Variants in ABHD4 observed in about 807,000 individuals in gnomAD.
ABHD4 encodes the protein abhydrolase domain containing 4, N-acyl phospholipase B, also known as (Lyso)-N-acylphosphatidylethanolamine lipase.
ABHD4 carries 35 observed loss-of-function variants against 42.3 expected under a neutral mutation model. That is an observed-to-expected ratio of 0.83 (90% CI 0.63 to 1.10). The LOEUF is 1.10. Ranked by LOEUF, ABHD4 falls within the 50% of genes least tolerant of loss-of-function variation. The pLI is 0.00. For synonymous variants in ABHD4, 169 were observed against 170.6 expected, an observed-to-expected ratio of 0.99 and a Z score of 0.07; for missense variants, 389 against 454.8, an observed-to-expected ratio of 0.86 and a Z score of 1.32.
rs193112927 is a variant in ABHD4, at chr14:22,611,226, A to T, written c.*278A>T. On this transcript the variant is annotated 3_prime_UTR_variant, in exon 7 of 7. Transcript: ENST00000428304. ...CCACTCCTTGCCAAGTGTTACCCAG[A>T]TGGTGGAGGATGTGAAGGGATTGCA... 1 of 409,538 alleles carries T rather than the reference A, an allele frequency of 2.4e-6. No individual in the cohort carries two copies. Among genetic ancestry groups the T allele is most frequent in the African/African-American group, 2.0e-5 (1 of 50,110 alleles). 25.4% of individuals were successfully genotyped at this position (409,538 alleles called of 1,614,324 possible). A position where few individuals can be genotyped will look rare whatever the true frequency, so the allele number is the denominator to read the frequency against.
chr14:22,605,516 G>T (rs2037339138), intron 4 of ABHD4, among the ~76,000 whole-genome samples: 1 of 152,208 alleles, frequency 6.6e-6, no homozygotes. Context: ...CAAGACACGG[G>T]TGCCAAAGGA....
At chr14:22,598,891 T>C (rs1350687444) in intron 1 of ABHD4, 1 of 168,426 alleles carries the variant, frequency 5.9e-6, no homozygotes, top group African/African-American at 2.4e-5. Flanking sequence ...ATAATGCTTT[T>C]AATAATCGTA....
At chr14:22,602,466 A>T (rs10138478) in intron 2 of ABHD4, among the ~76,000 whole-genome samples, 23,157 of 152,102 alleles carry the variant, frequency 0.15, 2,457 homozygotes, top group African/African-American at 0.29. Flanking sequence ...AGGCTGCTTC[A>T]CCCAGGCAGC....
intron 2 of ABHD4, among the ~76,000 whole-genome samples, chr14:22,602,322 C>T (rs1200646258): frequency 2.0e-5 from 3 of 152,198 alleles, no homozygotes; most frequent in African/African-American, 7.2e-5. Flanking sequence ...GCCCCTTAAG[C>T]CACTTCTTCC....
At chr14:22,608,927 C>T (rs145991942) in intron 5 of ABHD4, among the ~76,000 whole-genome samples, 1,890 of 150,596 alleles carry the variant, frequency 0.013, 33 homozygotes, top group African/African-American at 0.044. Context: ...CTCGAACTCC[C>T]GACCTCAGGT....
At chr14:22,603,883 G>C (rs750423523) in intron 3 of ABHD4, 42 bp from the exon 4 acceptor site, 1 of 1,607,090 alleles carries the variant, frequency 6.2e-7, no homozygotes, top group East Asian at 2.2e-5. Flanking sequence ...GCAACTACCA[G>C]AGAATATAAT....
intron 2 of ABHD4, 45 bp downstream of exon 2, chr14:22,601,800 A>G (rs559550169): frequency 1.1e-5 from 17 of 1,551,058 alleles, no homozygotes; most frequent in Middle Eastern, 1.7e-4. Context: ...ATGGAGCCCA[A>G]GAAGGATTCA....
chr14:22,603,159 G>A (rs1355488287), intron 2 of ABHD4, among the ~76,000 whole-genome samples: 2 of 152,208 alleles, frequency 1.3e-5, no homozygotes, highest in Non-Finnish European at 2.9e-5. Context: ...TGGAAGACAG[G>A]CCAGGGGCCA....
At chr14:22,602,739 A>G (rs951159308) in intron 2 of ABHD4, among the ~76,000 whole-genome samples, 4 of 152,202 alleles carry the variant, frequency 2.6e-5, no homozygotes, top group Admixed American at 1.3e-4. Flanking sequence ...TTATGTACAG[A>G]CTACATGGTC....
chr14:22,603,300 G>T, intron 2 of ABHD4, 90 bp from the exon 3 acceptor site: 1 of 1,523,966 alleles, frequency 6.6e-7, no homozygotes, highest in Non-Finnish European at 9.0e-7. Context: ...GTTCGGGAAT[G>T]GAGAGAATGT....
chr14:22,600,826 AGG>A (rs1349707087), intron 1 of ABHD4, among the ~76,000 whole-genome samples: 18,414 of 132,576 alleles, frequency 0.14, 1,459 homozygotes, highest in African/African-American at 0.2. Context: ...CACGTCCAGC[AGG>A]GGGGTGTGTG....
At position 22,610,795 on chromosome 14, in the gene ABHD4, C is replaced by T. The variant is rs138919822; in HGVS notation, c.940-64C>T. On this transcript the variant is annotated intron_variant, in intron 6 of 6. Coordinates refer to ENST00000428304, the MANE Select transcript of ABHD4 (RefSeq NM_022060.3). ...GCAAGTCTAAGGGGAAAAGAAATAG[C>T]GTGAAGGCTTCCCAGCACCAGGAAT... The T allele has an allele frequency of 5.4e-4, 713 of 1,321,570 alleles. 3 individuals carry two copies. The African/African-American group carries it at 8.6e-3, about 16-fold the overall frequency. 81.9% of individuals were successfully genotyped at this position (1,321,570 alleles called of 1,614,324 possible). A position where few individuals can be genotyped will look rare whatever the true frequency, so the allele number is the denominator to read the frequency against.
rs774087950 is a variant in ABHD4 at position 22,601,667 on chromosome 14, G to A, written c.24G>A (p.Gln8=). ...GAGTGTCTCTGTCTCCTCCTCCCAG[G>A]TCTCAAGGCTGGCTGAGTAGCTGGC... MADDLEQ[Q]SQGWLSSWLP... is the part of the protein sequence containing the mutation. Residue 8 remains glutamine (Q), a splice_region_variant and synonymous_variant, in exon 2 of 7, where the codon CAG becomes CAA. Transcript: ENST00000428304. 1.2e-6 allele frequency: 2 copies of A among 1,614,002 alleles called. No individual in the cohort carries two copies. Among genetic ancestry groups the A allele is most frequent in the Non-Finnish European group, 1.7e-6 (2 of 1,179,890 alleles).
intron 2 of ABHD4, 46 bp downstream of exon 2, chr14:22,601,801 G>A: frequency 1.3e-6 from 2 of 1,555,180 alleles, no homozygotes; most frequent in African/African-American, 1.4e-5. Flanking sequence ...TGGAGCCCAA[G>A]AAGGATTCAG....
At chr14:22,598,499 A>G (rs2037244156) in intron 1 of ABHD4, 170 bp downstream of exon 1, 1 of 1,531,240 alleles carries the variant, frequency 6.5e-7, no homozygotes, top group Admixed American at 2.0e-5. Context: ...ATTTGCCCAG[A>G]AGAGGCAGCG....
Position 22,603,988 on chromosome 14 carries a change from G to T in ABHD4, c.549G>T (p.Glu183Asp), listed in dbSNP as rs1478660786. ...GFPLRPTNPSEIRAPPAWVKA... is the reference protein window; with the variant it reads ...GFPLRPTNPSDIRAPPAWVKA... ...CCCTCCGACCAACTAACCCCAGTGA[G>T]ATCCGTGCACCCCCAGCCTGGGTCA... is the stretch of plus-strand genomic sequence containing the variant. The change falls in exon 4 of 7, where the codon GAG becomes GAT. Residue 183 changes from glutamate to aspartate, a missense_variant. By Grantham distance (45) the Glu-to-Asp change is conservative. Around this residue, in one of 3 missense-constraint regions of ABHD4, gnomAD observed 249 missense variants for 254.4 expected, o/e 0.98. Transcript: ENST00000428304. 1.7e-5 allele frequency: 27 copies of T among 1,614,128 alleles called. No homozygotes were observed. Among genetic ancestry groups the T allele is most frequent in the Non-Finnish European group, 2.3e-5 (27 of 1,180,062 alleles).
At position 22,609,897 on chromosome 14, in the gene ABHD4, A is replaced by C. The variant is rs775788368; in HGVS notation, c.926A>C (p.Tyr309Ser). ...GTGAAGATGCAGCGGCCGGATTCCT[A>C]TGTCCGAGACATGGTATGTTGCACC... ...KKVKMQRPDS[Y>S]VRDMEIKGAS... The change falls in exon 6 of 7, where the codon TAT becomes TCT. Residue 309 changes from tyrosine (Y) to serine (S), a missense_variant. Physicochemically the swap from Tyr to Ser is moderately radical, Grantham distance 144. This residue lies in a region of ABHD4 where 249 missense variants were observed against 254.4 expected (regional missense o/e 0.98). Coordinates refer to ENST00000428304, the MANE Select transcript of ABHD4 (RefSeq NM_022060.3). The C allele has an allele frequency of 1.9e-6, 3 of 1,614,008 alleles. No individual in the cohort carries two copies. The highest frequency in any genetic ancestry group is 2.5e-6 in the Non-Finnish European group (3 of 1,179,996).
At position 22,601,556 on chromosome 14, in the gene ABHD4, G is replaced by A. The variant is rs1236880413; in HGVS notation, c.24-111G>A. The stretch of plus-strand genomic sequence containing the variant: ...TGCCATGGGGGGCAGGTCTCTCAAG[G>A]CTAGGAAACACCCTGCTTCCTGAGA... On this transcript the variant is annotated intron_variant, in intron 1 of 6. Transcript: ENST00000428304. 3 of 998,562 alleles carry A rather than the reference G, an allele frequency of 3.0e-6. No homozygotes were observed. The Admixed American group carries it at 5.4e-5, about 18-fold the overall frequency. 61.9% of individuals were successfully genotyped at this position (998,562 alleles called of 1,614,324 possible). A position where few individuals can be genotyped will look rare whatever the true frequency, so the allele number is the denominator to read the frequency against.
At chr14:22,599,567 C>T (rs1367787092) in intron 1 of ABHD4, among the ~76,000 whole-genome samples, 1 of 152,170 alleles carries the variant, frequency 6.6e-6, no homozygotes, top group Admixed American at 6.5e-5. Context: ...GCACCATTTC[C>T]AGTGTTTACT....
Sources: allele counts gnomAD v4.1 joint callset (sites outside exome capture counted in the v4.1 genomes callset), GRCh38; gene constraint gnomAD v4.1.1; regional missense constraint gnomAD v4.1.1; transcripts MANE v1.5; gene names NCBI Gene and HGNC (gene_info 2026-07-23, HGNC 2026-07-21).